The following CTBS variants were observed in gnomAD, a reference collection of about 807,000 sequenced individuals.
CTBS encodes the protein di-N-acetylchitobiase.
A neutral mutation model predicts 44.3 loss-of-function variants in CTBS; 35 were observed. The ratio of observed to expected loss-of-function variants is 0.79; its 90% CI spans 0.60 to 1.05. The LOEUF (loss-of-function observed/expected upper bound fraction) is 1.05. Ranked by LOEUF, CTBS falls within the 50% of genes least tolerant of loss-of-function variation. The pLI is 0.00. For missense variants in CTBS, 458 were observed against 475.3 expected (o/e 0.96, Z 0.34); for synonymous variants, 143 against 168.0 (o/e 0.85, Z 1.15).
At position 84,569,951 on chromosome 1, in the gene CTBS, G is replaced by A. The variant is rs148319034; in HGVS notation, c.505C>T (p.Arg169Cys). The A allele has an allele frequency of 9.3e-6, 15 of 1,608,336 alleles. No individual in the cohort carries two copies. Among genetic ancestry groups the A allele is most frequent in the East Asian group, 2.2e-5 (1 of 44,768 alleles). Residue 169 changes from arginine to cysteine, a missense_variant, in exon 3 of 7, where the codon CGT becomes TGT. Physicochemically the swap from Arg to Cys is radical, Grantham distance 180. Coordinates refer to ENST00000370630, the MANE Select transcript of CTBS (RefSeq NM_004388.3). ...LVKETTDSFH[R>C]EIEGSQVTFD... Reference sequence around the variant, plus strand: ...TTTACCTGTGATCCCTCAATTTCACGATGGAAAGAGTCTGTAGTTTCTTTG... The same window carrying A: ...TTTACCTGTGATCCCTCAATTTCACAATGGAAAGAGTCTGTAGTTTCTTTG...
At position 84,550,172 on chromosome 1, in the gene CTBS, T is replaced by C. The variant is rs1465579561; in HGVS notation, c.*4827A>G. 4.2e-6 allele frequency: 1 copy of C among 237,616 alleles called. No homozygotes were observed. Among genetic ancestry groups the C allele is most frequent in the Non-Finnish European group, 8.1e-6 (1 of 123,892 alleles). 14.7% of individuals were successfully genotyped at this position (237,616 alleles called of 1,614,324 possible). On this transcript the variant is annotated 3_prime_UTR_variant, in exon 7 of 7. Coordinates refer to ENST00000370630, the MANE Select transcript of CTBS (RefSeq NM_004388.3). ...TAAAGTCTTGCTAATAACTAAGATATTATTCCTTTCATAGTAATAGTTGTT... is the reference window on the plus strand; with the variant it reads ...TAAAGTCTTGCTAATAACTAAGATACTATTCCTTTCATAGTAATAGTTGTT...
At chr1:84,560,071 AAG>A (rs1369238204) in intron 6 of CTBS, among the ~76,000 whole-genome samples, 2 of 138,284 alleles carry the variant, frequency 1.4e-5, no homozygotes, top group Admixed American at 7.6e-5. Context: ...GCGACAGAGC[AAG>A]ACTCTGTCTC....
At chr1:84,564,561 T>A (rs1485671439) in intron 4 of CTBS, among the ~76,000 whole-genome samples, 1 of 152,202 alleles carries the variant, frequency 6.6e-6, no homozygotes, top group Non-Finnish European at 1.5e-5. Flanking sequence ...TTATTTATGA[T>A]ACAAAGTATC....
chr1:84,571,701 G>A (rs1472055319), intron 1 of CTBS, among the ~76,000 whole-genome samples: 2 of 152,162 alleles, frequency 1.3e-5, no homozygotes, highest in Non-Finnish European at 2.9e-5. Flanking sequence ...GTCCAGTAAG[G>A]AGTTAACTAC....
intron 6 of CTBS, among the ~76,000 whole-genome samples, chr1:84,555,711 G>A (rs1339242559): frequency 1.3e-5 from 2 of 152,204 alleles, no homozygotes; most frequent in Non-Finnish European, 2.9e-5. Flanking sequence ...CACTTGCGGA[G>A]CTTTTAAAAT....
Position 84,570,006 on chromosome 1 carries a change from T to C in CTBS, c.450A>G (p.Ser150=), listed in dbSNP as rs902250397. The C allele has an allele frequency of 3.1e-6, 5 of 1,613,534 alleles. No individual in the cohort carries two copies. The highest frequency in any genetic ancestry group is 4.2e-6 in the Non-Finnish European group (5 of 1,179,770). Residue 150 remains serine, a synonymous_variant, in exon 3 of 7, where the codon TCA becomes TCG. Coordinates refer to ENST00000370630, the MANE Select transcript of CTBS (RefSeq NM_004388.3). ...IDIEQEVNCL[S]PEYDALTALV... ...AAGCAGTTAATGCATCATATTCAGG[T>C]GATAAACAATTAACTTCTTGCTCTA... is the stretch of plus-strand genomic sequence containing the variant.
At chr1:84,558,582 C>T (rs1180932297) in intron 6 of CTBS, among the ~76,000 whole-genome samples, 2 of 149,144 alleles carry the variant, frequency 1.3e-5, no homozygotes, top group Non-Finnish European at 3.0e-5. Flanking sequence ...TGAGCCACCG[C>T]GCCCGGCCAC....
chr1:84,569,841 C>T, intron 3 of CTBS, 90 bp downstream of exon 3: 1 of 1,160,888 alleles, frequency 8.6e-7, no homozygotes, highest in South Asian at 1.4e-5. Flanking sequence ...CATTGCATTA[C>T]TATAAAACAA....
rs572062549 is a variant in CTBS, at chr1:84,553,650, T to G, written c.*1349A>C. Reference sequence around the variant, plus strand: ...TTTTAATTCATTTATTTTAGAAATATGAAGACAACAGTGATCCAACATATA... The same window carrying G: ...TTTTAATTCATTTATTTTAGAAATAGGAAGACAACAGTGATCCAACATATA... On this transcript the variant is annotated 3_prime_UTR_variant, in exon 7 of 7. Coordinates refer to ENST00000370630, the MANE Select transcript of CTBS (RefSeq NM_004388.3). 4 of 152,380 alleles carry G rather than the reference T, an allele frequency of 2.6e-5. No homozygotes were observed. The East Asian group carries it at 5.8e-4, about 22-fold the overall frequency. 9.4% of individuals were successfully genotyped at this position (152,380 alleles called of 1,614,324 possible).
At position 84,550,991 on chromosome 1, in the gene CTBS, C is replaced by T. The variant is rs12131586; in HGVS notation, c.*4008G>A. ...TTCTACTAGATGTTAAGTTTCCTTC[C>T]TGGCAGAGACTATGCCTTAGTTAAC... On this transcript the variant is annotated 3_prime_UTR_variant, in exon 7 of 7. Transcript: ENST00000370630. 2.7e-5 allele frequency: 27 copies of T among 984,150 alleles called. No individual in the cohort carries two copies. The highest frequency in any genetic ancestry group is 3.0e-5 in the Non-Finnish European group (25 of 829,126). The allele number at this position is 984,150 out of a possible 1,614,324, so 61.0% of individuals were successfully genotyped here. A position where few individuals can be genotyped will look rare whatever the true frequency, so the allele number is the denominator to read the frequency against.
Position 84,551,143 on chromosome 1 carries a change from TA to T in CTBS, c.*3855del. ...AATTATCTGTGAAGTACATATGTAT[TA>T]AAAAGCTTTTTTGTTGAACAGAAAA... On this transcript the variant is annotated 3_prime_UTR_variant, in exon 7 of 7. Transcript: ENST00000370630. 1.0e-6 allele frequency: 1 copy of T among 985,200 alleles called. No homozygotes were observed. Among genetic ancestry groups the T allele is most frequent in the Non-Finnish European group, 1.2e-6 (1 of 829,794 alleles). The allele number at this position is 985,200 out of a possible 1,614,324, so 61.0% of individuals were successfully genotyped here.
In CTBS at chr1:84,552,663, T is replaced by G. The variant is rs60419306; in HGVS notation, c.*2336A>C. On this transcript the variant is annotated 3_prime_UTR_variant, in exon 7 of 7. Transcript: ENST00000370630. The stretch of plus-strand genomic sequence containing the variant: ...GTTCCTAAGGGCTAGGAATTAAGGG[T>G]TTTTTTTGTATTTTGTTTTCTTGTT... 0.086 allele frequency: 13,963 copies of G among 162,408 alleles called. 1,215 individuals carry two copies. The highest frequency in any genetic ancestry group is 0.23 in the African/African-American group (9,533 of 41,590). The allele number at this position is 162,408 out of a possible 1,614,324, so 10.1% of individuals were successfully genotyped here. A position where few individuals can be genotyped will look rare whatever the true frequency, so the allele number is the denominator to read the frequency against.
In CTBS at chr1:84,555,013, G is replaced by T; in HGVS notation, c.1144C>A (p.Leu382Met). ...EEMWEVLKPK[L>M]LQR ...ACAAAAGATGTTCATCTCTGTAACA[G>T]CTTTGGCTTTAAGACTTCCCACATT... Residue 382 changes from leucine (L) to methionine (M), a missense_variant, in exon 7 of 7, where the codon CTG becomes ATG. Leu to Met is a conservative substitution (Grantham distance 15). Coordinates refer to ENST00000370630, the MANE Select transcript of CTBS (RefSeq NM_004388.3). 5 of 1,613,452 alleles carry T rather than the reference G, an allele frequency of 3.1e-6. No individual in the cohort carries two copies. The South Asian group carries it at 5.5e-5, about 18-fold the overall frequency.
intron 1 of CTBS, among the ~76,000 whole-genome samples, chr1:84,571,879 T>C (rs755851160): frequency 6.6e-6 from 1 of 152,162 alleles, no homozygotes; most frequent in African/African-American, 2.4e-5. Flanking sequence ...GGACAAAAGA[T>C]TGCATTCTCA....
Position 84,553,751 on chromosome 1 carries a change from A to T in CTBS, c.*1248T>A, listed in dbSNP as rs1241693385. 1 of 152,198 alleles carries T rather than the reference A, an allele frequency of 6.6e-6. No individual in the cohort carries two copies. The allele number at this position is 152,198 out of a possible 1,614,324, so 9.4% of individuals were successfully genotyped here. A position where few individuals can be genotyped will look rare whatever the true frequency, so the allele number is the denominator to read the frequency against. ...GTAATATTCTCATAACAGATGGTTCAATCATCATGTATTCCAATTTACAGG... is the reference window on the plus strand; with the variant it reads ...GTAATATTCTCATAACAGATGGTTCTATCATCATGTATTCCAATTTACAGG... On this transcript the variant is annotated 3_prime_UTR_variant, in exon 7 of 7. Transcript: ENST00000370630.
In CTBS at chr1:84,550,496, A is replaced by G; in HGVS notation, c.*4503T>C. The G allele has an allele frequency of 6.4e-7, 1 of 1,560,680 alleles. No homozygotes were observed. The highest frequency in any genetic ancestry group is 1.7e-4 in the Middle Eastern group (1 of 5,934). On this transcript the variant is annotated 3_prime_UTR_variant, in exon 7 of 7. Coordinates refer to ENST00000370630, the MANE Select transcript of CTBS (RefSeq NM_004388.3). Reference sequence around the variant, plus strand: ...ATTGACCAGCTTAAGAGAAAACTAGATACTGACAAAATGAAACTCATAGTA... The same window carrying G: ...ATTGACCAGCTTAAGAGAAAACTAGGTACTGACAAAATGAAACTCATAGTA...
chr1:84,568,505 T>C (rs913754668), intron 3 of CTBS, among the ~76,000 whole-genome samples: 1 of 152,178 alleles, frequency 6.6e-6, no homozygotes, highest in Non-Finnish European at 1.5e-5. Context: ...ATTCTCAAAT[T>C]ATTTTACCTG....
intron 1 of CTBS, among the ~76,000 whole-genome samples, chr1:84,572,496 C>T (rs1647341589): frequency 6.7e-6 from 1 of 149,894 alleles, no homozygotes; most frequent in African/African-American, 2.4e-5. Context: ...GCCATGTAGT[C>T]TAGTTTTTGT....
intron 3 of CTBS, among the ~76,000 whole-genome samples, chr1:84,566,582 A>G (rs1371995564): frequency 6.6e-6 from 1 of 152,196 alleles, no homozygotes; most frequent in African/African-American, 2.4e-5. Context: ...TGTTGAATAA[A>G]TCATTTAAAT....
Sources: gnomAD v4.1 joint callset for allele counts (sites outside exome capture counted in the v4.1 genomes callset) on GRCh38, gnomAD v4.1.1 for gene constraint, MANE v1.5 for transcripts, NCBI Gene and HGNC (gene_info 2026-07-23, HGNC 2026-07-21) for gene names.